Variants in SRGAP1 observed in about 807,000 individuals in gnomAD.
SRGAP1 encodes the protein SLIT-ROBO Rho GTPase-activating protein 1.
In SRGAP1, 43 loss-of-function variants were observed where a neutral mutation model predicts 121.9. That is an observed-to-expected ratio of 0.35 (90% confidence interval 0.28 to 0.46). The LOEUF is 0.46. Among genes scored for constraint, SRGAP1 ranks in the 20% least tolerant of loss-of-function variants. The pLI, the probability that SRGAP1 is intolerant of heterozygous loss-of-function variation, is 1.00. For missense variants in SRGAP1, 1,102 were observed against 1,350.9 expected, an observed-to-expected ratio of 0.82 and a Z score of 2.89; for synonymous variants, 447 against 485.4, an observed-to-expected ratio of 0.92 and a Z score of 1.04.
chr12:63,899,333 T>C (rs1313538333), intron 1 of SRGAP1, among the ~76,000 whole-genome samples: 1 of 150,450 alleles, frequency 6.6e-6, no homozygotes, highest in Non-Finnish European at 1.5e-5. Flanking sequence ...TGAGATCCTG[T>C]CTCCAAAAAA....
At chr12:64,088,105 T>C (rs1342415198) in intron 11 of SRGAP1, among the ~76,000 whole-genome samples, 1 of 152,210 alleles carries the variant, frequency 6.6e-6, no homozygotes, top group Admixed American at 6.5e-5. Flanking sequence ...AATTGGCAAG[T>C]TGACTTTCAA....
chr12:63,996,289 A>G (rs893665551), intron 3 of SRGAP1, among the ~76,000 whole-genome samples: 2 of 152,124 alleles, frequency 1.3e-5, no homozygotes, highest in Admixed American at 6.6e-5. Context: ...ATTTCATTCT[A>G]TATGGCTTGG....
intron 11 of SRGAP1, among the ~76,000 whole-genome samples, chr12:64,088,122 A>G (rs958119855): frequency 1.3e-5 from 2 of 152,212 alleles, no homozygotes; most frequent in African/African-American, 2.4e-5. Flanking sequence ...TCAAGGATCT[A>G]TAATGTTATT....
chr12:63,958,237 C>T (rs938895988), intron 1 of SRGAP1, among the ~76,000 whole-genome samples: 1 of 152,152 alleles, frequency 6.6e-6, no homozygotes, highest in Admixed American at 6.5e-5. Flanking sequence ...CCTTGCATTC[C>T]TTCTCAGAAA....
chr12:64,085,651 A>C (rs551327586), intron 10 of SRGAP1, among the ~76,000 whole-genome samples: 54 of 152,268 alleles, frequency 3.5e-4, no homozygotes, highest in African/African-American at 1.3e-3. Context: ...TGCCCACTCT[A>C]CTTCTCAGTA....
At chr12:64,012,735 G>A (rs1183402533) in intron 3 of SRGAP1, among the ~76,000 whole-genome samples, 2 of 151,372 alleles carry the variant, frequency 1.3e-5, no homozygotes, top group Non-Finnish European at 2.9e-5. Context: ...ATTTTTTCTA[G>A]AGATGGAGTT....
intron 1 of SRGAP1, among the ~76,000 whole-genome samples, chr12:63,961,921 A>G (rs777973815): frequency 6.6e-6 from 1 of 152,208 alleles, no homozygotes. Flanking sequence ...AAAACCTTTC[A>G]GGGGAGGAGA....
chr12:64,073,215 A>G (rs1330370942), intron 8 of SRGAP1, among the ~76,000 whole-genome samples: 1 of 152,118 alleles, frequency 6.6e-6, no homozygotes, highest in Non-Finnish European at 1.5e-5. Flanking sequence ...CTTCTGTCAC[A>G]TCCTTTATTC....
At chr12:64,064,764 C>T (rs942521524) in intron 7 of SRGAP1, among the ~76,000 whole-genome samples, 4 of 152,122 alleles carry the variant, frequency 2.6e-5, no homozygotes, top group South Asian at 2.1e-4. Context: ...TACTTATGTC[C>T]GTACAATCCA....
chr12:63,925,961 G>T (rs1190774421), intron 1 of SRGAP1, among the ~76,000 whole-genome samples: 1 of 152,144 alleles, frequency 6.6e-6, no homozygotes, highest in Non-Finnish European at 1.5e-5. Context: ...AAACCTTCAT[G>T]CATAAATAAG....
chr12:63,863,786 T>C (rs1174187197), intron 1 of SRGAP1, among the ~76,000 whole-genome samples: 2 of 152,176 alleles, frequency 1.3e-5, no homozygotes. Flanking sequence ...GAACAATTTG[T>C]GAATTGGGCT....
At chr12:64,039,580 G>T (rs1228831235) in intron 4 of SRGAP1, among the ~76,000 whole-genome samples, 2 of 147,844 alleles carry the variant, frequency 1.4e-5, no homozygotes, top group Non-Finnish European at 3.0e-5. Flanking sequence ...AGAGTCACAT[G>T]TTCTCATTTC....
intron 1 of SRGAP1, among the ~76,000 whole-genome samples, chr12:63,950,731 A>G (rs1173250770): frequency 6.6e-6 from 1 of 152,160 alleles, no homozygotes. Context: ...TGCATTCCGT[A>G]GAATTGTTGA....
At chr12:63,948,963 A>ATTTTCCATATATATATTCCATATATG (rs2032162809) in intron 1 of SRGAP1, among the ~76,000 whole-genome samples, 1 of 84,592 alleles carries the variant, frequency 1.2e-5, no homozygotes, top group East Asian at 4.8e-4. Context: ...TTCCATATAT[A>ATTTTCCATATATATATTCCATATATG]TATTTTCCAT....
chr12:63,920,502 G>C (rs2030998978), intron 1 of SRGAP1, among the ~76,000 whole-genome samples: 1 of 152,180 alleles, frequency 6.6e-6, no homozygotes. Context: ...CTTTAGACTT[G>C]ATATGAGAGT....
chr12:64,118,300 C>T (rs1374112279), intron 18 of SRGAP1, among the ~76,000 whole-genome samples: 3 of 152,166 alleles, frequency 2.0e-5, no homozygotes, highest in African/African-American at 7.2e-5. Context: ...GACAGGGTCT[C>T]ACTTTGTCAC....
intron 1 of SRGAP1, among the ~76,000 whole-genome samples, chr12:63,893,274 G>T (rs1345047831): frequency 6.6e-6 from 1 of 152,160 alleles, no homozygotes; most frequent in Non-Finnish European, 1.5e-5. Context: ...AATAAAGAAA[G>T]TGAAGACTGA....
rs374547724 is a variant in SRGAP1, at chr12:63,998,259, T to C, written c.426+8187T>C. On this transcript the variant is annotated intron_variant, in intron 3 of 21. Coordinates refer to ENST00000355086, the MANE Select transcript of SRGAP1 (RefSeq NM_020762.4). ...AATGAATAAGTAATGAATAAAGATTTACTTCTGCATTAGAAACCAAAGATA... is the reference window on the plus strand; with the variant it reads ...AATGAATAAGTAATGAATAAAGATTCACTTCTGCATTAGAAACCAAAGATA... Among the ~76,000 whole-genome samples the C allele has an allele frequency of 5.9e-5, 9 of 152,372 alleles. No individual in the cohort carries two copies. The East Asian group carries it at 1.7e-3, about 29-fold the overall frequency.
rs1180775656 is a variant in SRGAP1, at chr12:64,144,621, A to G, written c.*1949A>G. On this transcript the variant is annotated 3_prime_UTR_variant, in exon 22 of 22. Coordinates refer to ENST00000355086, the MANE Select transcript of SRGAP1 (RefSeq NM_020762.4). ...AGGTATGGTAAACTTTTAAACCTCCAAATTTTCAGAGCCATACTTTTTGCC... is the reference window on the plus strand; with the variant it reads ...AGGTATGGTAAACTTTTAAACCTCCGAATTTTCAGAGCCATACTTTTTGCC... 4 of 152,006 alleles carry G rather than the reference A, an allele frequency of 2.6e-5. No homozygotes were observed. Among genetic ancestry groups the G allele is most frequent in the Non-Finnish European group, 4.4e-5 (3 of 68,012 alleles). 9.4% of individuals were successfully genotyped at this position (152,006 alleles called of 1,614,324 possible).
Sources: gnomAD v4.1 joint callset for allele counts (sites outside exome capture counted in the v4.1 genomes callset) on GRCh38, gnomAD v4.1.1 for gene constraint, MANE v1.5 for transcripts, NCBI Gene and HGNC (gene_info 2026-07-23, HGNC 2026-07-21) for gene names.